The following TTC33 variants were observed in gnomAD, a reference collection of about 807,000 sequenced individuals.
The protein encoded by TTC33 is tetratricopeptide repeat domain 33.
A neutral mutation model predicts 29.4 loss-of-function variants in TTC33; 24 were observed. The observed-to-expected ratio is 0.82, with a 90% CI of 0.59 to 1.15. The LOEUF (loss-of-function observed/expected upper bound fraction) is 1.15. TTC33 is among the 50% of genes most tolerant of loss of function. TTC33 has a pLI of 0.00. For missense variants in TTC33, 286 were observed against 310.4 expected (o/e 0.92, Z 0.59); for synonymous variants, 107 against 100.3 (o/e 1.07, Z -0.40).
chr5:40,745,483 A>G (rs1039785792), intron 2 of TTC33, among the ~76,000 whole-genome samples: 1 of 151,974 alleles, frequency 6.6e-6, no homozygotes, highest in African/African-American at 2.4e-5. Context: ...GCAAATATTA[A>G]GAATTGTTGA....
At chr5:40,750,297 T>C (rs1742871388) in intron 1 of TTC33, among the ~76,000 whole-genome samples, 1 of 151,576 alleles carries the variant, frequency 6.6e-6, no homozygotes, top group Non-Finnish European at 1.5e-5. Context: ...CGGTCAGGCA[T>C]GTTGGCTCAC....
At chr5:40,751,151 C>G (rs1027259828) in intron 1 of TTC33, among the ~76,000 whole-genome samples, 1 of 152,220 alleles carries the variant, frequency 6.6e-6, no homozygotes, top group African/African-American at 2.4e-5. Context: ...GAATCACTAT[C>G]TATGGCAGCT....
At chr5:40,725,867 G>T (rs1268572690) in intron 4 of TTC33, among the ~76,000 whole-genome samples, 1 of 146,654 alleles carries the variant, frequency 6.8e-6, no homozygotes, top group African/African-American at 2.5e-5. Flanking sequence ...CTCACTGCAA[G>T]CTCCGCCTCC....
chr5:40,729,950 C>T (rs561260368), intron 3 of TTC33, among the ~76,000 whole-genome samples: 1 of 152,194 alleles, frequency 6.6e-6, no homozygotes, highest in Non-Finnish European at 1.5e-5. Context: ...CCACCCACCT[C>T]GGCCTCCCAA....
Position 40,713,191 on chromosome 5 carries a change from T to G in TTC33, c.*2954A>C, listed in dbSNP as rs1292925707. ...GTCAACTCACAACTCATTTAGATAT[T>G]AATACATGTATCATGAAATCATAGC... On this transcript the variant is annotated 3_prime_UTR_variant, in exon 5 of 5. Coordinates refer to ENST00000337702, the MANE Select transcript of TTC33 (RefSeq NM_012382.3). Among the ~76,000 whole-genome samples, 1 of 152,150 alleles carries G rather than the reference T, an allele frequency of 6.6e-6. No individual in the cohort carries two copies. The highest frequency in any genetic ancestry group is 2.4e-5 in the African/African-American group (1 of 41,440).
intron 2 of TTC33, among the ~76,000 whole-genome samples, chr5:40,744,009 G>T (rs1050478331): frequency 6.6e-6 from 1 of 152,186 alleles, no homozygotes; most frequent in Non-Finnish European, 1.5e-5. Context: ...AATTCAGAGG[G>T]AATCCGATGG....
At chr5:40,738,519 A>AAATAAAATAC (rs1159087002) in intron 2 of TTC33, among the ~76,000 whole-genome samples, 1 of 69,046 alleles carries the variant, frequency 1.4e-5, no homozygotes, top group Non-Finnish European at 3.0e-5. Context: ...AAATACAATA[A>AAATAAAATAC]AATAAAATAC....
Position 40,713,404 on chromosome 5 carries a change from C to G in TTC33, c.*2741G>C, listed in dbSNP as rs570905651. The stretch of plus-strand genomic sequence containing the variant: ...CTTAAAAATTCTAGCTGAGACAGAG[C>G]TTTTAAAAAATCTTTATAGTTTTAC... On this transcript the variant is annotated 3_prime_UTR_variant, in exon 5 of 5. Coordinates refer to ENST00000337702, the MANE Select transcript of TTC33 (RefSeq NM_012382.3). 2.0e-5 allele frequency among the ~76,000 whole-genome samples: 3 copies of G among 152,088 alleles called. No homozygotes were observed. The highest frequency in any genetic ancestry group is 4.4e-5 in the Non-Finnish European group (3 of 68,000).
At chr5:40,731,682 T>C (rs929741587) in intron 2 of TTC33, among the ~76,000 whole-genome samples, 26 of 152,188 alleles carry the variant, frequency 1.7e-4, no homozygotes, top group South Asian at 1.4e-3. Context: ...GTCCCATCCT[T>C]GACACGGGGA....
chr5:40,731,450 G>A (rs1193028747), intron 2 of TTC33, among the ~76,000 whole-genome samples: 3 of 152,164 alleles, frequency 2.0e-5, no homozygotes, highest in Non-Finnish European at 2.9e-5. Flanking sequence ...AAGGAAAGAG[G>A]TTTAATTGAC....
At chr5:40,717,937 CTG>C (rs1202845812) in intron 4 of TTC33, among the ~76,000 whole-genome samples, 1 of 152,030 alleles carries the variant, frequency 6.6e-6, no homozygotes, top group Admixed American at 6.6e-5. Context: ...TGGTGCACGC[CTG>C]TAATCCCAGC....
At chr5:40,753,887 A>T (rs1468372589) in intron 1 of TTC33, among the ~76,000 whole-genome samples, 1 of 152,172 alleles carries the variant, frequency 6.6e-6, no homozygotes, top group Non-Finnish European at 1.5e-5. Flanking sequence ...GGTAAACTAC[A>T]ATAAAAATCA....
chr5:40,732,458 T>A (rs2111901436), intron 2 of TTC33, among the ~76,000 whole-genome samples: 1 of 151,816 alleles, frequency 6.6e-6, no homozygotes, highest in Non-Finnish European at 1.5e-5. Flanking sequence ...TGTAACTATA[T>A]CAAGTATGCC....
At chr5:40,751,961 GAAAA>G (rs61319403) in intron 1 of TTC33, among the ~76,000 whole-genome samples, 1 of 126,914 alleles carries the variant, frequency 7.9e-6, no homozygotes, top group Admixed American at 7.9e-5. Context: ...CGTCTCAAAA[GAAAA>G]AAAAAAAAAA....
rs1741968070 is a variant in TTC33 at position 40,714,866 on chromosome 5, G to C, written c.*1279C>G. 1 of 152,072 alleles carries C rather than the reference G, an allele frequency of 6.6e-6. No individual in the cohort carries two copies. Among genetic ancestry groups the C allele is most frequent in the African/African-American group, 2.4e-5 (1 of 41,430 alleles). 9.4% of individuals were successfully genotyped at this position (152,072 alleles called of 1,614,324 possible). On this transcript the variant is annotated 3_prime_UTR_variant, in exon 5 of 5. Transcript: ENST00000337702. ...GTGGGCTACTTTCATCTCTAACAAAGATAAAATTAATACACCAATAGTATC... is the reference window on the plus strand; with the variant it reads ...GTGGGCTACTTTCATCTCTAACAAACATAAAATTAATACACCAATAGTATC...
At chr5:40,751,127 C>T (rs905224825) in intron 1 of TTC33, among the ~76,000 whole-genome samples, 5 of 152,122 alleles carry the variant, frequency 3.3e-5, no homozygotes, top group African/African-American at 1.2e-4. Flanking sequence ...TGACTTTGTC[C>T]AAATGAATCA....
intron 3 of TTC33, among the ~76,000 whole-genome samples, 176 bp from the exon 4 acceptor site, chr5:40,728,652 C>T (rs901593244): frequency 6.6e-6 from 1 of 152,100 alleles, no homozygotes; most frequent in East Asian, 1.9e-4. Flanking sequence ...CTTTTCACCC[C>T]TTATATAACT....
At position 40,712,912 on chromosome 5, in the gene TTC33, C is replaced by T. The variant is rs1244844399; in HGVS notation, c.*3233G>A. ...AGCTTTAGGGCCACACTTCTTCTTC[C>T]GAAGTAACCATATTTAATTGCAAGT... On this transcript the variant is annotated 3_prime_UTR_variant, in exon 5 of 5. Coordinates refer to ENST00000337702, the MANE Select transcript of TTC33 (RefSeq NM_012382.3). Among the ~76,000 whole-genome samples, 2 of 152,058 alleles carry T rather than the reference C, an allele frequency of 1.3e-5. No homozygotes were observed. Among genetic ancestry groups the T allele is most frequent in the African/African-American group, 4.8e-5 (2 of 41,398 alleles).
At chr5:40,725,319 C>T (rs1395898752) in intron 4 of TTC33, among the ~76,000 whole-genome samples, 1 of 152,088 alleles carries the variant, frequency 6.6e-6, no homozygotes, top group Non-Finnish European at 1.5e-5. Flanking sequence ...TCTCAATCAT[C>T]TTCCTTTTGT....
Sources: allele counts gnomAD v4.1 joint callset (sites outside exome capture counted in the v4.1 genomes callset), GRCh38; gene constraint gnomAD v4.1.1; transcripts MANE v1.5; gene names NCBI Gene and HGNC (gene_info 2026-07-23, HGNC 2026-07-21).